The following PRKN variants were observed in gnomAD, a reference collection of about 807,000 sequenced individuals.
PRKN encodes E3 ubiquitin-protein ligase parkin.
In PRKN, 56 loss-of-function variants were observed where a neutral mutation model predicts 59.5. That is an observed-to-expected ratio of 0.94 (90% CI 0.76 to 1.18). The LOEUF is 1.18. Ranked by LOEUF, PRKN falls within the 50% of genes most tolerant of loss-of-function variation. PRKN has a pLI of 0.00. For missense variants in PRKN, 657 were observed against 596.4 expected, an observed-to-expected ratio of 1.10 and a Z score of -1.06; for synonymous variants, 250 against 222.1, an observed-to-expected ratio of 1.13 and a Z score of -1.12.
intron 4 of PRKN, among the ~76,000 whole-genome samples, chr6:162,129,545 A>G (rs1234725318): frequency 6.6e-6 from 1 of 152,212 alleles, no homozygotes; most frequent in Non-Finnish European, 1.5e-5. Flanking sequence ...TAAACAAACA[A>G]GGATGCTAAA....
intron 1 of PRKN, among the ~76,000 whole-genome samples, chr6:162,515,156 C>T (rs6941157): frequency 0.14 from 20,226 of 149,636 alleles, 2,325 homozygotes; most frequent in African/African-American, 0.31. Context: ...AATCTCGGAT[C>T]ACTGCAACCT....
chr6:162,516,773 AAAAAG>A (rs1200209934), intron 1 of PRKN, among the ~76,000 whole-genome samples: 6 of 151,954 alleles, frequency 3.9e-5, no homozygotes, highest in African/African-American at 1.4e-4. Context: ...GAAAAAAAAA[AAAAAG>A]AAAGAAAAGA....
chr6:161,935,095 G>T (rs1779304350), intron 6 of PRKN, among the ~76,000 whole-genome samples: 1 of 97,332 alleles, frequency 1.0e-5, no homozygotes. Context: ...TTTATGGAAA[G>T]TCTCTGGTGC....
intron 6 of PRKN, among the ~76,000 whole-genome samples, chr6:161,865,740 G>T (rs1794086116): frequency 6.6e-6 from 1 of 152,216 alleles, no homozygotes; most frequent in Non-Finnish European, 1.5e-5. Flanking sequence ...GCTTAAGGGA[G>T]TGTTGTGGCT....
At chr6:162,627,628 G>C (rs371177395) in intron 1 of PRKN, among the ~76,000 whole-genome samples, 27 of 152,184 alleles carry the variant, frequency 1.8e-4, no homozygotes, top group African/African-American at 5.5e-4. Context: ...GGTAAAATGG[G>C]GCAGTTAGGC....
Position 161,407,739 on chromosome 6 carries a change from G to A in PRKN, c.1084-20862C>T, listed in dbSNP as rs1787343952. Reference sequence around the variant, plus strand: ...AACCACAAAAGAAGTGAAACAGCCAGCTCCTGCCATAACTGATTGACCAAC... The same window carrying A: ...AACCACAAAAGAAGTGAAACAGCCAACTCCTGCCATAACTGATTGACCAAC... On this transcript the variant is annotated intron_variant, in intron 9 of 11. Coordinates refer to ENST00000366898, the MANE Select transcript of PRKN (RefSeq NM_004562.3). The surrounding 1 kb of genome is among the most constrained non-coding windows in gnomAD (Gnocchi z 4.9). 1.3e-5 allele frequency among the ~76,000 whole-genome samples: 2 copies of A among 152,112 alleles called. No individual in the cohort carries two copies. Among genetic ancestry groups the A allele is most frequent in the African/African-American group, 2.4e-5 (1 of 41,404 alleles).
intron 6 of PRKN, among the ~76,000 whole-genome samples, chr6:161,855,392 T>C (rs1015304058): frequency 6.6e-6 from 1 of 152,206 alleles, no homozygotes; most frequent in Non-Finnish European, 1.5e-5. Flanking sequence ...AGCTTTCTTC[T>C]TCATTTAGAA....
intron 1 of PRKN, among the ~76,000 whole-genome samples, chr6:162,495,331 A>G (rs891040762): frequency 1.3e-5 from 2 of 152,238 alleles, no homozygotes; most frequent in Non-Finnish European, 2.9e-5. Context: ...AAGTCCATCA[A>G]GAAACCTCAG....
intron 2 of PRKN, among the ~76,000 whole-genome samples, chr6:162,422,520 A>G (rs1357304004): frequency 1.3e-5 from 2 of 152,228 alleles, no homozygotes; most frequent in African/African-American, 4.8e-5. Flanking sequence ...GTTTGACTGC[A>G]CATCCCAATA....
At chr6:162,080,825 C>T (rs1181953441) in intron 4 of PRKN, among the ~76,000 whole-genome samples, 1 of 152,072 alleles carries the variant, frequency 6.6e-6, no homozygotes, top group Non-Finnish European at 1.5e-5. Flanking sequence ...TTCTGTCTGA[C>T]AGCAGCAGAA....
At chr6:162,073,131 C>T (rs1778652803) in intron 4 of PRKN, among the ~76,000 whole-genome samples, 1 of 152,166 alleles carries the variant, frequency 6.6e-6, no homozygotes, top group Admixed American at 6.5e-5. Context: ...CTACAGCAAA[C>T]AGGTCACACA....
intron 9 of PRKN, among the ~76,000 whole-genome samples, chr6:161,482,617 A>G (rs1223095091): frequency 6.6e-6 from 1 of 152,254 alleles, no homozygotes; most frequent in Non-Finnish European, 1.5e-5. Flanking sequence ...TTAGCTGGGC[A>G]GGGAAGCATG....
At chr6:162,161,472 C>T (rs1462530084) in intron 4 of PRKN, among the ~76,000 whole-genome samples, 1 of 152,178 alleles carries the variant, frequency 6.6e-6, no homozygotes, top group African/African-American at 2.4e-5. Flanking sequence ...GAAAAATTTA[C>T]AGAAATAAGC....
At chr6:161,601,497 T>C (rs539632316) in intron 7 of PRKN, among the ~76,000 whole-genome samples, 2 of 152,350 alleles carry the variant, frequency 1.3e-5, no homozygotes, top group South Asian at 2.1e-4. Context: ...TTAATTCTTC[T>C]TTAAGTATTT....
intron 1 of PRKN, among the ~76,000 whole-genome samples, chr6:162,535,845 T>C (rs1168152713): frequency 6.6e-6 from 1 of 151,092 alleles, no homozygotes; most frequent in Non-Finnish European, 1.5e-5. Flanking sequence ...GAGGCAGAGG[T>C]TGCAATGAAC....
intron 9 of PRKN, among the ~76,000 whole-genome samples, chr6:161,479,319 T>C (rs1791276315): frequency 1.3e-5 from 2 of 152,244 alleles, no homozygotes; most frequent in South Asian, 2.1e-4. Flanking sequence ...TTAAAAAGTT[T>C]CAAGTGTGGG....
chr6:162,450,381 C>A (rs867458695), intron 1 of PRKN, among the ~76,000 whole-genome samples: 1,284 of 96,400 alleles, frequency 0.013, 18 homozygotes, highest in East Asian at 0.044. Flanking sequence ...TGATTGTAAT[C>A]CCCCTGTGAA....
At chr6:161,743,258 C>T (rs1313254214) in intron 7 of PRKN, among the ~76,000 whole-genome samples, 64 of 115,976 alleles carry the variant, frequency 5.5e-4, no homozygotes, top group African/African-American at 1.8e-3. Flanking sequence ...GTCTCTCTGT[C>T]GCCCAGGCTG....
In PRKN at chr6:161,367,788, C is replaced by T. The variant is rs371805470; in HGVS notation, c.1168-7583G>A. Reference sequence around the variant, plus strand: ...GGGGAAGGCTTTGAAGAAGTAAGGACGCTTCTGTTACATGAGGAAGGGCAC... The same window carrying T: ...GGGGAAGGCTTTGAAGAAGTAAGGATGCTTCTGTTACATGAGGAAGGGCAC... On this transcript the variant is annotated intron_variant, in intron 10 of 11. Transcript: ENST00000366898. 4.6e-5 allele frequency among the ~76,000 whole-genome samples: 7 copies of T among 152,290 alleles called. No homozygotes were observed. In the East Asian group the frequency reaches 9.7e-4, roughly 21 times the overall value.
Sources: gnomAD v4.1 joint callset for allele counts (sites outside exome capture counted in the v4.1 genomes callset) on GRCh38, gnomAD v4.1.1 for gene constraint, Gnocchi (gnomAD v3.1) non-coding constraint, MANE v1.5 for transcripts, NCBI Gene and HGNC (gene_info 2026-07-23, HGNC 2026-07-21) for gene names.